ADCY2: variants seen among roughly 807,000 people sequenced by gnomAD.
The protein encoded by ADCY2 is adenylate cyclase type 2.
A neutral mutation model predicts 125.2 loss-of-function variants in ADCY2; 31 were observed. The observed-to-expected ratio is 0.25, with a 90% confidence interval of 0.19 to 0.33. The LOEUF (loss-of-function observed/expected upper bound fraction) is 0.33. ADCY2 is among the 10% of genes least tolerant of loss of function. The pLI is 1.00. For missense variants in ADCY2, 904 were observed against 1,418.2 expected (o/e 0.64, Z 5.82); for synonymous variants, 512 against 548.4 (o/e 0.93, Z 0.93).
At chr5:7,513,120 GAGAGAGAGAGCA>G (rs1212809788) in intron 2 of ADCY2, among the ~76,000 whole-genome samples, 1 of 139,198 alleles carries the variant, frequency 7.2e-6, no homozygotes, top group Non-Finnish European at 1.6e-5. Context: ...GAGAGAGAGA[GAGAGAGAGAGCA>G]AGAGAGAGAG....
chr5:7,634,735 A>G (rs1738435433), intron 4 of ADCY2, among the ~76,000 whole-genome samples: 1 of 151,128 alleles, frequency 6.6e-6, no homozygotes, highest in Admixed American at 6.6e-5. Flanking sequence ...AGGTGCTGGC[A>G]ATTTTCCCAG....
intron 2 of ADCY2, among the ~76,000 whole-genome samples, chr5:7,467,080 C>T (rs955076409): frequency 6.6e-6 from 1 of 152,158 alleles, no homozygotes; most frequent in African/African-American, 2.4e-5. Flanking sequence ...TGTAAGTGGA[C>T]AAGCACCTGC....
At chr5:7,622,393 A>C (rs1274874159) in intron 3 of ADCY2, among the ~76,000 whole-genome samples, 2 of 152,212 alleles carry the variant, frequency 1.3e-5, no homozygotes, top group Non-Finnish European at 1.5e-5. Flanking sequence ...CAGGCTTATA[A>C]TTTGATAAGT....
intron 2 of ADCY2, among the ~76,000 whole-genome samples, chr5:7,437,888 C>T (rs1386996210): frequency 6.6e-6 from 1 of 152,132 alleles, no homozygotes; most frequent in Non-Finnish European, 1.5e-5. Flanking sequence ...TTGAATGAAG[C>T]ACAAGTCTCA....
rs183722912 is a variant in ADCY2, at chr5:7,773,426, G to A, written c.2384+325G>A. The stretch of plus-strand genomic sequence containing the variant: ...TTTGGACTAAATAATTCTCTGTTGC[G>A]GGCGCCGTCCTGTGCGTGGTAGGTA... On this transcript the variant is annotated intron_variant, in intron 18 of 24. Coordinates refer to ENST00000338316, the MANE Select transcript of ADCY2 (RefSeq NM_020546.3). 1.8e-4 allele frequency among the ~76,000 whole-genome samples: 27 copies of A among 152,084 alleles called. No individual in the cohort carries two copies. In the East Asian group the frequency reaches 3.9e-3, roughly 22 times the overall value.
chr5:7,629,359 C>T (rs770337564), intron 4 of ADCY2, among the ~76,000 whole-genome samples: 1 of 152,124 alleles, frequency 6.6e-6, no homozygotes, highest in Non-Finnish European at 1.5e-5. Context: ...ACCTGTCTAA[C>T]GATTCTGAAA....
chr5:7,779,051 C>T (rs1000577225), intron 18 of ADCY2, among the ~76,000 whole-genome samples: 1 of 152,162 alleles, frequency 6.6e-6, no homozygotes, highest in African/African-American at 2.4e-5. Context: ...TTTCCTGCAC[C>T]CTATGCCATT....
At chr5:7,443,922 T>C (rs1741120519) in intron 2 of ADCY2, among the ~76,000 whole-genome samples, 1 of 151,944 alleles carries the variant, frequency 6.6e-6, no homozygotes, top group South Asian at 2.1e-4. Flanking sequence ...TTTTCAGCAG[T>C]TTTCATCTGT....
intron 2 of ADCY2, among the ~76,000 whole-genome samples, chr5:7,515,361 TTA>T (rs1265323590): frequency 6.6e-6 from 1 of 152,170 alleles, no homozygotes; most frequent in Non-Finnish European, 1.5e-5. Context: ...TTGGAAGATC[TTA>T]TGTTTTGGGG....
At chr5:7,721,107 T>C (rs1339644158) in intron 12 of ADCY2, among the ~76,000 whole-genome samples, 1 of 152,240 alleles carries the variant, frequency 6.6e-6, no homozygotes, top group East Asian at 1.9e-4. Flanking sequence ...TGTGAGATGA[T>C]ATCTCATTTT....
At chr5:7,603,039 C>T (rs529557830) in intron 3 of ADCY2, among the ~76,000 whole-genome samples, 99 of 152,274 alleles carry the variant, frequency 6.5e-4, no homozygotes, top group Non-Finnish European at 1.1e-3. Context: ...GAGGCTGCTG[C>T]AGATCCAGCC....
At chr5:7,797,523 G>C (rs1228148763) in intron 20 of ADCY2, 2 of 152,276 alleles carry the variant, frequency 1.3e-5, no homozygotes, top group Non-Finnish European at 2.9e-5. Flanking sequence ...CCTAAGGGCA[G>C]GGCTTGTGTT....
chr5:7,542,730 G>T (rs1735032080), intron 3 of ADCY2, among the ~76,000 whole-genome samples: 1 of 152,184 alleles, frequency 6.6e-6, no homozygotes, highest in Non-Finnish European at 1.5e-5. Flanking sequence ...TCATTATCAA[G>T]GGTAGCCATT....
At chr5:7,809,474 T>C (rs1376300099) in intron 22 of ADCY2, among the ~76,000 whole-genome samples, 2 of 152,276 alleles carry the variant, frequency 1.3e-5, no homozygotes, top group Non-Finnish European at 2.9e-5. Flanking sequence ...CAAAATGGGC[T>C]TAAGCCTTTG....
intron 3 of ADCY2, among the ~76,000 whole-genome samples, chr5:7,608,872 G>A (rs1273421010): frequency 6.6e-6 from 1 of 152,136 alleles, no homozygotes; most frequent in East Asian, 1.9e-4. Context: ...CCAGCCATAT[G>A]GGCCAGGTAC....
chr5:7,677,150 G>A (rs961136169), intron 4 of ADCY2, among the ~76,000 whole-genome samples: 1 of 151,908 alleles, frequency 6.6e-6, no homozygotes, highest in African/African-American at 2.4e-5. Context: ...TGGTGGCACG[G>A]GCCTGTAATC....
chr5:7,730,905 T>C (rs1004840569), intron 14 of ADCY2, among the ~76,000 whole-genome samples: 7 of 152,088 alleles, frequency 4.6e-5, no homozygotes, highest in South Asian at 2.1e-4. Context: ...TAGGTGTGAT[T>C]TTTCAATCTG....
At chr5:7,499,681 A>ATATATG (rs1419296301) in intron 2 of ADCY2, among the ~76,000 whole-genome samples, 6 of 124,094 alleles carry the variant, frequency 4.8e-5, no homozygotes, top group Non-Finnish European at 6.7e-5. Context: ...ATATATATAT[A>ATATATG]TGTATATATA....
At chr5:7,595,150 A>C (rs1736967302) in intron 3 of ADCY2, among the ~76,000 whole-genome samples, 2 of 152,230 alleles carry the variant, frequency 1.3e-5, no homozygotes, top group Admixed American at 1.3e-4. Context: ...TGCAACAGGT[A>C]CCCAAACACC....
Sources: gnomAD v4.1 joint callset for allele counts (sites outside exome capture counted in the v4.1 genomes callset) on GRCh38, gnomAD v4.1.1 for gene constraint, MANE v1.5 for transcripts, NCBI Gene and HGNC (gene_info 2026-07-23, HGNC 2026-07-21) for gene names.